The following NKAIN3 variants were observed in gnomAD, a reference collection of about 807,000 sequenced individuals.
NKAIN3 encodes sodium/potassium-transporting ATPase subunit beta-1-interacting protein 3.
Under a neutral mutation model 30.2 loss-of-function variants are expected in NKAIN3, and 25 were observed. That is an observed-to-expected ratio of 0.83 (90% CI 0.60 to 1.16). The LOEUF (loss-of-function observed/expected upper bound fraction) is 1.16, where lower values mean the gene tolerates loss of function less well. Ranked by LOEUF, NKAIN3 falls within the 50% of genes most tolerant of loss-of-function variation. NKAIN3 has a pLI of 0.00. For missense variants in NKAIN3, 225 were observed against 254.1 expected (o/e 0.89, Z 0.78); for synonymous variants, 91 against 89.6 (o/e 1.02, Z -0.09).
chr8:62,873,445 CAA>C (rs1820705133), intron 4 of NKAIN3, among the ~76,000 whole-genome samples: 1 of 149,342 alleles, frequency 6.7e-6, no homozygotes, highest in South Asian at 2.2e-4. Flanking sequence ...AGAAAATTAA[CAA>C]AGACATTCAG....
intron 4 of NKAIN3, among the ~76,000 whole-genome samples, chr8:62,785,486 T>A (rs1817486098): frequency 6.6e-6 from 1 of 152,150 alleles, no homozygotes. Context: ...TTTGCAATTA[T>A]GTGAATGTTC....
At chr8:62,906,251 C>T (rs142770946) in intron 4 of NKAIN3, among the ~76,000 whole-genome samples, 4 of 152,270 alleles carry the variant, frequency 2.6e-5, no homozygotes, top group Non-Finnish European at 4.4e-5. Context: ...GGGTAAAATC[C>T]CTGCAAAGTT....
intron 1 of NKAIN3, among the ~76,000 whole-genome samples, chr8:62,302,289 GA>G (rs762141448): frequency 2.0e-5 from 3 of 151,938 alleles, no homozygotes; most frequent in Non-Finnish European, 4.4e-5. Flanking sequence ...ACCACATGAA[GA>G]AAAGACATTC....
chr8:62,789,123 C>A (rs916604689), intron 4 of NKAIN3, among the ~76,000 whole-genome samples: 15 of 152,046 alleles, frequency 9.9e-5, no homozygotes, highest in Non-Finnish European at 1.8e-4. Context: ...TTACCTTGGG[C>A]AGTATGGCCA....
At chr8:62,988,138 C>G (rs1332906666), downstream of NKAIN3, among the ~76,000 whole-genome samples, 1 of 152,234 alleles carries the variant, frequency 6.6e-6, no homozygotes, top group Admixed American at 6.5e-5. Flanking sequence ...CTCCCACAGC[C>G]TTGGGCAGCT....
At chr8:62,515,811 A>G (rs1363227618) in intron 1 of NKAIN3, among the ~76,000 whole-genome samples, 1 of 152,076 alleles carries the variant, frequency 6.6e-6, no homozygotes, top group Admixed American at 6.6e-5. Context: ...CATTTATTTG[A>G]TTGCTAGTGA....
intron 3 of NKAIN3, among the ~76,000 whole-genome samples, chr8:62,601,552 T>C (rs940851483): frequency 1.3e-5 from 2 of 152,016 alleles, no homozygotes; most frequent in Non-Finnish European, 2.9e-5. Flanking sequence ...TATTTCAGGT[T>C]CTGAACTAAC....
At chr8:62,664,910 T>G (rs763092412) in intron 3 of NKAIN3, among the ~76,000 whole-genome samples, 51 of 152,340 alleles carry the variant, frequency 3.3e-4, no homozygotes, top group Non-Finnish European at 6.5e-4. Flanking sequence ...AATATCCTTA[T>G]GACTTAGATG....
chr8:62,556,602 A>G (rs1237828992), intron 1 of NKAIN3, among the ~76,000 whole-genome samples: 1 of 151,932 alleles, frequency 6.6e-6, no homozygotes, highest in African/African-American at 2.4e-5. Flanking sequence ...AATTGAAAGT[A>G]TGAAAAAGTG....
At chr8:62,552,465 A>G (rs1476431246) in intron 1 of NKAIN3, among the ~76,000 whole-genome samples, 1 of 152,208 alleles carries the variant, frequency 6.6e-6, no homozygotes, top group Admixed American at 6.5e-5. Context: ...ATCTATTCAC[A>G]TCTCCTGTTG....
chr8:62,351,655 A>G (rs1012954319), intron 1 of NKAIN3, among the ~76,000 whole-genome samples: 2 of 152,074 alleles, frequency 1.3e-5, no homozygotes, highest in African/African-American at 4.8e-5. Flanking sequence ...CACCTCAGGT[A>G]TTTTGTTTAT....
intron 3 of NKAIN3, among the ~76,000 whole-genome samples, chr8:62,641,625 T>C (rs1812310012): frequency 6.6e-6 from 1 of 152,124 alleles, no homozygotes; most frequent in African/African-American, 2.4e-5. Context: ...CAGAGAAATG[T>C]TTCCTGGGCA....
chr8:62,459,457 C>T (rs1163104243), intron 1 of NKAIN3, among the ~76,000 whole-genome samples: 2 of 152,164 alleles, frequency 1.3e-5, no homozygotes, highest in Non-Finnish European at 2.9e-5. Flanking sequence ...TATGGAGTGC[C>T]TGCTACTTTC....
intron 4 of NKAIN3, among the ~76,000 whole-genome samples, chr8:62,873,562 T>C (rs565263271): frequency 6.6e-6 from 1 of 150,632 alleles, no homozygotes; most frequent in South Asian, 2.1e-4. Flanking sequence ...ATGGCACTTA[T>C]TCTAAAATTG....
At chr8:62,797,585 C>T (rs1817901815) in intron 4 of NKAIN3, among the ~76,000 whole-genome samples, 1 of 152,042 alleles carries the variant, frequency 6.6e-6, no homozygotes, top group Non-Finnish European at 1.5e-5. Context: ...CAGAGAGTCT[C>T]ATATATGGTA....
intron 4 of NKAIN3, among the ~76,000 whole-genome samples, chr8:62,785,904 C>T (rs1278474441): frequency 6.6e-6 from 1 of 152,064 alleles, no homozygotes; most frequent in Non-Finnish European, 1.5e-5. Context: ...TTTAGATAGG[C>T]AATTAAAGTG....
At chr8:62,997,416 G>T (rs6984196) in intron 5 of NKAIN3, among the ~76,000 whole-genome samples, 29,598 of 151,854 alleles carry the variant, frequency 0.19, 2,995 homozygotes, top group East Asian at 0.41. Flanking sequence ...AAAAAAAAAT[G>T]TTGGGTTTGT....
At chr8:62,401,561 C>T (rs1803874212) in intron 1 of NKAIN3, among the ~76,000 whole-genome samples, 1 of 152,058 alleles carries the variant, frequency 6.6e-6, no homozygotes. Context: ...GCCCATTCTT[C>T]TTGGGAAGGC....
At chr8:62,685,350 T>A (rs1459110530) in intron 3 of NKAIN3, among the ~76,000 whole-genome samples, 1 of 152,222 alleles carries the variant, frequency 6.6e-6, no homozygotes, top group Non-Finnish European at 1.5e-5. Flanking sequence ...TCAGTCCTCA[T>A]TTTCAGTCAC....
Sources: gnomAD v4.1 joint callset for allele counts (sites outside exome capture counted in the v4.1 genomes callset) on GRCh38, gnomAD v4.1.1 for gene constraint, MANE v1.5 for transcripts, NCBI Gene and HGNC (gene_info 2026-07-23, HGNC 2026-07-21) for gene names.